The following DUSP13B variants were observed in gnomAD, a reference collection of about 807,000 sequenced individuals.
The protein encoded by DUSP13B is dual specificity phosphatase 13B.
chr10:75,101,089 G>T, the DUSP13B span, among the ~76,000 whole-genome samples: 1 of 152,358 alleles, frequency 6.6e-6, no homozygotes, highest in African/African-American at 2.4e-5. Context: ...TGAGGAGTGT[G>T]GGGAGAAGGC....
At chr10:75,094,734 A>C in the DUSP13B span, 1 of 1,614,144 alleles carries the variant, frequency 6.2e-7, no homozygotes, top group Non-Finnish European at 8.5e-7. Context: ...CTGCCGGAGG[A>C]AGCCTGAGTT....
chr10:75,101,056 T>A, the DUSP13B span, among the ~76,000 whole-genome samples: 1 of 152,200 alleles, frequency 6.6e-6, no homozygotes, highest in Non-Finnish European at 1.5e-5. Context: ...CATGTGGGGC[T>A]GGAGATCTCA....
At chr10:75,109,073 G>T in the DUSP13B span, 36 of 1,611,822 alleles carry the variant, frequency 2.2e-5, no homozygotes, top group African/African-American at 5.4e-5. Context: ...TTCCCTGCCC[G>T]CAGGAGCTCC....
At chr10:75,098,314 C>G in the DUSP13B span, among the ~76,000 whole-genome samples, 2,195 of 152,324 alleles carry the variant, frequency 0.014, 48 homozygotes, top group African/African-American at 0.05. Flanking sequence ...CTCAAGCCCC[C>G]TCACCTGCTA....
chr10:75,107,377 T>C, the DUSP13B span, among the ~76,000 whole-genome samples: 1 of 151,858 alleles, frequency 6.6e-6, no homozygotes, highest in Non-Finnish European at 1.5e-5. Context: ...AAAAAGTACT[T>C]TGGGGCAGAC....
chr10:75,102,999 C>T, the DUSP13B span, among the ~76,000 whole-genome samples: 1 of 151,842 alleles, frequency 6.6e-6, no homozygotes, highest in Non-Finnish European at 1.5e-5. Flanking sequence ...TATAGTCCCT[C>T]CTACTCGGGA....
the DUSP13B span, chr10:75,108,962 C>A: frequency 6.4e-7 from 1 of 1,551,106 alleles, no homozygotes; most frequent in Admixed American, 1.9e-5. Context: ...CCAAGAACTG[C>A]CTCTCCACGT....
the DUSP13B span, chr10:75,097,808 G>T: frequency 6.2e-7 from 1 of 1,613,946 alleles, no homozygotes; most frequent in Admixed American, 1.7e-5. Context: ...AGCCAATGTG[G>T]GCGGCTGGTA....
At chr10:75,094,810 T>C in the DUSP13B span, 1 of 1,614,148 alleles carries the variant, frequency 6.2e-7, no homozygotes. Context: ...TTCTCACAGA[T>C]CATGAGGAAG....
At chr10:75,101,755 A>AC in the DUSP13B span, 6 of 632,648 alleles carry the variant, frequency 9.5e-6, no homozygotes, top group Admixed American at 2.2e-5. Flanking sequence ...TCGGTTCTCT[A>AC]CCCAACCCAA....
At chr10:75,097,957 C>G in the DUSP13B span, 1 of 1,416,548 alleles carries the variant, frequency 7.1e-7, no homozygotes, top group Non-Finnish European at 9.4e-7. Context: ...TGGGGAAGCC[C>G]ATGGTGCAGT....
chr10:75,098,278 A>G, the DUSP13B span, among the ~76,000 whole-genome samples: 2 of 152,276 alleles, frequency 1.3e-5, no homozygotes, highest in East Asian at 3.9e-4. Context: ...GCACCCAGGA[A>G]GCCCCCACCA....
chr10:75,095,458 G>A, the DUSP13B span: 1 of 888,916 alleles, frequency 1.1e-6, no homozygotes, highest in Non-Finnish European at 1.8e-6. Flanking sequence ...CCTATGGAGT[G>A]GGAGGGTTAC....
At chr10:75,099,604 T>G in the DUSP13B span, 2 of 1,189,374 alleles carry the variant, frequency 1.7e-6, no homozygotes. Context: ...ACTGAGGCCT[T>G]GTGGACTGCA....
At chr10:75,106,940 A>G in the DUSP13B span, among the ~76,000 whole-genome samples, 1 of 152,236 alleles carries the variant, frequency 6.6e-6, no homozygotes, top group Admixed American at 6.5e-5. Flanking sequence ...ACAGTGAGGG[A>G]CACAGCTGTC....
chr10:75,101,788 C>A, the DUSP13B span: 3 of 829,564 alleles, frequency 3.6e-6, no homozygotes, highest in South Asian at 2.7e-5. Context: ...CCCACACAGG[C>A]ACAAGTGTCC....
chr10:75,104,036 A>G, the DUSP13B span: 2 of 1,363,496 alleles, frequency 1.5e-6, no homozygotes, highest in South Asian at 2.3e-5. Flanking sequence ...CAGCAGCACC[A>G]GCAGGATCAG....
chr10:75,108,071 G>A, the DUSP13B span: 26 of 1,613,898 alleles, frequency 1.6e-5, no homozygotes, highest in East Asian at 4.5e-5. Context: ...CAGGGAGGTC[G>A]TGGGCTGGCA....
chr10:75,105,905 A>G, the DUSP13B span: 1 of 1,532,444 alleles, frequency 6.5e-7, no homozygotes. Flanking sequence ...CCTGTCCCAC[A>G]CACCGGCCCA....
Sources: allele counts gnomAD v4.1 joint callset (sites outside exome capture counted in the v4.1 genomes callset), GRCh38; gene constraint gnomAD v4.1.1; transcripts MANE v1.5; gene names NCBI Gene and HGNC (gene_info 2026-07-23, HGNC 2026-07-21).